REV1: variants seen among roughly 807,000 people sequenced by gnomAD.
REV1 encodes translesion synthesis protein REV1.
Under a neutral mutation model 137.4 loss-of-function variants are expected in REV1, and 42 were observed. The observed-to-expected ratio is 0.31, with a 90% CI of 0.24 to 0.40. The LOEUF is 0.40. REV1 is among the 10% of genes least tolerant of loss of function. The probability of loss-of-function intolerance (pLI) is 1.00; values close to 1 mark genes in which losing one functional copy is unlikely to be tolerated. For synonymous variants in REV1, 524 were observed against 519.2 expected (o/e 1.01, Z -0.12); for missense variants, 1,282 against 1,490.1 (o/e 0.86, Z 2.30).
intron 3 of REV1, among the ~76,000 whole-genome samples, chr2:99,450,821 T>C (rs967621162): frequency 1.3e-5 from 2 of 152,226 alleles, no homozygotes; most frequent in African/African-American, 4.8e-5. Context: ...ATCCAGTGGG[T>C]ATTTTACATT....
At chr2:99,449,996 A>AT (rs1271713971) in intron 3 of REV1, among the ~76,000 whole-genome samples, 1 of 152,138 alleles carries the variant, frequency 6.6e-6, no homozygotes, top group Non-Finnish European at 1.5e-5. Flanking sequence ...TTATTAGTAG[A>AT]TTTTACTTCT....
chr2:99,478,618 G>C (rs1575242464), intron 1 of REV1, among the ~76,000 whole-genome samples: 1 of 152,324 alleles, frequency 6.6e-6, no homozygotes, highest in East Asian at 1.9e-4. Flanking sequence ...GGCCACAGCA[G>C]AAGAGCTAGT....
At chr2:99,409,866 C>G (rs57289066) in intron 14 of REV1, among the ~76,000 whole-genome samples, 4,135 of 92,818 alleles carry the variant, frequency 0.045, 238 homozygotes, top group African/African-American at 0.14. Context: ...CCCCCCCCCC[C>G]CAAAAAAAAC....
intron 5 of REV1, among the ~76,000 whole-genome samples, chr2:99,442,006 C>A (rs1325323733): frequency 2.0e-5 from 3 of 152,068 alleles, no homozygotes; most frequent in African/African-American, 4.8e-5. Context: ...GTAACCCCAG[C>A]ACTTTGGGAG....
intron 12 of REV1, among the ~76,000 whole-genome samples, chr2:99,415,783 A>G (rs7574943): frequency 0.017 from 2,643 of 152,386 alleles, 77 homozygotes; most frequent in African/African-American, 0.06. Context: ...TCCATATGCT[A>G]GATGCACAAA....
chr2:99,424,061 C>A, intron 10 of REV1, 91 bp downstream of exon 10: 1 of 1,336,928 alleles, frequency 7.5e-7, no homozygotes, highest in Non-Finnish European at 1.0e-6. Context: ...CAAAAGTGAT[C>A]CTGACAATCC....
At chr2:99,437,323 A>G (rs144236030) in intron 6 of REV1, among the ~76,000 whole-genome samples, 1 of 152,176 alleles carries the variant, frequency 6.6e-6, no homozygotes, top group East Asian at 1.9e-4. Flanking sequence ...TGAGGCAAAC[A>G]TCATGGACTA....
At chr2:99,433,946 A>G (rs1165372684) in intron 8 of REV1, among the ~76,000 whole-genome samples, 1 of 138,116 alleles carries the variant, frequency 7.2e-6, no homozygotes, top group Non-Finnish European at 1.6e-5. Context: ...ATTCCAATAA[A>G]TTAAAAGTTC....
intron 1 of REV1, among the ~76,000 whole-genome samples, chr2:99,466,989 C>T (rs1291645039): frequency 6.6e-6 from 1 of 152,206 alleles, no homozygotes; most frequent in African/African-American, 2.4e-5. Context: ...TGAATCCATA[C>T]ACCTGCTGGA....
chr2:99,426,238 T>C (rs1255189715), intron 9 of REV1, among the ~76,000 whole-genome samples: 1 of 150,544 alleles, frequency 6.6e-6, no homozygotes, highest in Non-Finnish European at 1.5e-5. Flanking sequence ...TCCCAGCTAC[T>C]CGGGAGGCTG....
At chr2:99,409,644 G>T (rs538047929) in intron 14 of REV1, among the ~76,000 whole-genome samples, 2 of 152,122 alleles carry the variant, frequency 1.3e-5, no homozygotes, top group African/African-American at 4.8e-5. Context: ...AGGAGTTCAA[G>T]ATCAGCCTTG....
At chr2:99,406,273 T>C (rs1474254199) in intron 16 of REV1, 52 bp downstream of exon 16, 1 of 1,529,836 alleles carries the variant, frequency 6.5e-7, no homozygotes. Flanking sequence ...ACTGCCGTCT[T>C]TCCAAGGACA....
In REV1 at chr2:99,431,434, CTG is replaced by C. The variant is rs576658541; in HGVS notation, c.1439-1488_1439-1487del. On this transcript the variant is annotated intron_variant, in intron 8 of 22. Coordinates refer to ENST00000258428, the MANE Select transcript of REV1 (RefSeq NM_016316.4). ...TAGTCCATTCATCTAAGCTGAAAAA[CTG>C]TAAGAATTTCAGGACTGTCAGTATC... Among the ~76,000 whole-genome samples, 899 of 152,170 alleles carry C rather than the reference CTG, an allele frequency of 5.9e-3. 15 individuals carry two copies. The highest frequency in any genetic ancestry group is 0.021 in the African/African-American group (864 of 41,506).
At chr2:99,479,014 C>G (rs1283661995) in intron 1 of REV1, among the ~76,000 whole-genome samples, 1 of 152,068 alleles carries the variant, frequency 6.6e-6, no homozygotes, top group Non-Finnish European at 1.5e-5. Flanking sequence ...ATGCAATTCA[C>G]CAGGTGAAGG....
rs1010397497 is a variant in REV1, at chr2:99,419,028, T to C, written c.1832-81A>G. 23 of 1,122,174 alleles carry C rather than the reference T, an allele frequency of 2.0e-5. No homozygotes were observed. The African/African-American group carries it at 3.0e-4, about 15-fold the overall frequency. 69.5% of individuals were successfully genotyped at this position (1,122,174 alleles called of 1,614,324 possible). Reference sequence around the variant, plus strand: ...AACAAAGATCTCTTCATACAGGTTATCCATCAAGTTTCTAAAAACAATGAA... The same window carrying C: ...AACAAAGATCTCTTCATACAGGTTACCCATCAAGTTTCTAAAAACAATGAA... On this transcript the variant is annotated intron_variant, in intron 11 of 22. Transcript: ENST00000258428.
chr2:99,403,367 T>C (rs1559275385), intron 19 of REV1: 2 of 557,740 alleles, frequency 3.6e-6, no homozygotes, highest in Non-Finnish European at 3.2e-6. Flanking sequence ...GTTTGATGTT[T>C]GTGATGCATT....
intron 1 of REV1, among the ~76,000 whole-genome samples, chr2:99,486,315 G>T (rs577298496): frequency 6.6e-6 from 1 of 152,178 alleles, no homozygotes; most frequent in South Asian, 2.1e-4. Context: ...GGATCACGAG[G>T]TCAGGAGACC....
intron 6 of REV1, chr2:99,436,845 TC>T (rs1680816551): frequency 6.6e-6 from 1 of 152,184 alleles, no homozygotes; most frequent in African/African-American, 2.4e-5. Flanking sequence ...AAGGAGTTTT[TC>T]TCAGGCTTAA....
At chr2:99,488,569 G>A (rs1015343975) in intron 1 of REV1, among the ~76,000 whole-genome samples, 1 of 49,826 alleles carries the variant, frequency 2.0e-5, no homozygotes, top group African/African-American at 6.7e-5. Context: ...GTATACTGGA[G>A]AATGATTCCT....
Sources: allele counts gnomAD v4.1 joint callset (sites outside exome capture counted in the v4.1 genomes callset), GRCh38; gene constraint gnomAD v4.1.1; transcripts MANE v1.5; gene names NCBI Gene and HGNC (gene_info 2026-07-23, HGNC 2026-07-21).